The following TRPM3 variants were observed in gnomAD, a reference collection of about 807,000 sequenced individuals.
TRPM3 encodes transient receptor potential cation channel subfamily M member 3, also known as long transient receptor potential channel 3.
A neutral mutation model predicts 181.2 loss-of-function variants in TRPM3; 77 were observed. That is an observed-to-expected ratio of 0.42 (90% CI 0.35 to 0.51). TRPM3 has a LOEUF of 0.51. TRPM3 is among the 20% of genes least tolerant of loss of function. The pLI is 0.01. For missense variants in TRPM3, 1,759 were observed against 2,196.7 expected, an observed-to-expected ratio of 0.80 and a Z score of 3.98; for synonymous variants, 745 against 796.4, an observed-to-expected ratio of 0.94 and a Z score of 1.09.
At chr9:70,814,639 G>T (rs995411747) in intron 6 of TRPM3, among the ~76,000 whole-genome samples, 5 of 152,062 alleles carry the variant, frequency 3.3e-5, no homozygotes, top group African/African-American at 1.2e-4. Flanking sequence ...TCCTTAACCA[G>T]CCTCTCTTAT....
At chr9:71,389,246 G>A (rs1565524465) in intron 1 of TRPM3, among the ~76,000 whole-genome samples, 1 of 151,726 alleles carries the variant, frequency 6.6e-6, no homozygotes, top group East Asian at 1.9e-4. Context: ...TATCACTAAT[G>A]ATCAGGGAAA....
chr9:70,884,734 G>C (rs981347807), intron 1 of TRPM3, among the ~76,000 whole-genome samples: 1 of 152,090 alleles, frequency 6.6e-6, no homozygotes, highest in Admixed American at 6.5e-5. Context: ...TAATTTAAGT[G>C]ATTAAATATA....
At chr9:71,023,845 A>T (rs940953638) in intron 1 of TRPM3, among the ~76,000 whole-genome samples, 1 of 152,212 alleles carries the variant, frequency 6.6e-6, no homozygotes, top group Non-Finnish European at 1.5e-5. Flanking sequence ...AAGATGCAGG[A>T]GGGAGAGAAG....
intron 9 of TRPM3, among the ~76,000 whole-genome samples, chr9:70,678,263 C>CT (rs2064521095): frequency 6.6e-6 from 1 of 152,060 alleles, no homozygotes; most frequent in East Asian, 1.9e-4. Context: ...CTTTCTTCTT[C>CT]TTTTTCTTTC....
chr9:71,278,460 A>T (rs1376802053), intron 1 of TRPM3, among the ~76,000 whole-genome samples: 1 of 152,250 alleles, frequency 6.6e-6, no homozygotes, highest in Admixed American at 6.5e-5. Flanking sequence ...CAAATCAGAT[A>T]AAACTGAACC....
At chr9:70,961,192 T>C (rs927913376) in intron 1 of TRPM3, among the ~76,000 whole-genome samples, 2 of 152,068 alleles carry the variant, frequency 1.3e-5, no homozygotes, top group Non-Finnish European at 2.9e-5. Context: ...GCAATGTGCT[T>C]TGAAGATGGA....
intron 1 of TRPM3, among the ~76,000 whole-genome samples, chr9:71,308,372 G>A (rs900678583): frequency 2.0e-5 from 3 of 152,076 alleles, no homozygotes; most frequent in Admixed American, 6.6e-5. Context: ...ATGAATTCAG[G>A]AAAATTGAGG....
At chr9:70,608,481 T>TAACA (rs749135519) in intron 19 of TRPM3, among the ~76,000 whole-genome samples, 29 of 152,268 alleles carry the variant, frequency 1.9e-4, no homozygotes, top group African/African-American at 3.6e-4. Context: ...TGTTCTAAGC[T>TAACA]AACAGTTGGG....
chr9:71,274,326 G>GT (rs1250553845), intron 1 of TRPM3, among the ~76,000 whole-genome samples: 1 of 152,160 alleles, frequency 6.6e-6, no homozygotes, highest in African/African-American at 2.4e-5. Context: ...GAACTTAGTG[G>GT]TTTTACTGGG....
At chr9:71,311,077 A>C (rs1411064027) in intron 1 of TRPM3, among the ~76,000 whole-genome samples, 2 of 152,120 alleles carry the variant, frequency 1.3e-5, no homozygotes, top group African/African-American at 2.4e-5. Flanking sequence ...CATCTCTTCT[A>C]CCTTATATAC....
chr9:70,841,662 C>G (rs1350581622), intron 5 of TRPM3, among the ~76,000 whole-genome samples: 1 of 63,034 alleles, frequency 1.6e-5, no homozygotes, highest in Non-Finnish European at 3.1e-5. Context: ...ATATATATAT[C>G]CCACCATATA....
chr9:71,264,254 G>A (rs1204383181), intron 1 of TRPM3, among the ~76,000 whole-genome samples: 3 of 152,104 alleles, frequency 2.0e-5, no homozygotes, highest in East Asian at 3.9e-4. Flanking sequence ...GAAGAAAAAC[G>A]CATTGTGGAA....
At chr9:71,331,234 A>G (rs1002133990) in intron 1 of TRPM3, among the ~76,000 whole-genome samples, 2 of 151,958 alleles carry the variant, frequency 1.3e-5, no homozygotes, top group African/African-American at 4.8e-5. Context: ...CAAGTATTAC[A>G]TAACAGAAAC....
intron 1 of TRPM3, among the ~76,000 whole-genome samples, chr9:71,395,801 T>G (rs190067048): frequency 2.0e-5 from 3 of 152,264 alleles, no homozygotes; most frequent in African/African-American, 4.8e-5. Context: ...TTAATACCCT[T>G]TAATCAGTGA....
intron 9 of TRPM3, among the ~76,000 whole-genome samples, chr9:70,671,463 A>G (rs968273399): frequency 2.6e-5 from 4 of 152,194 alleles, no homozygotes; most frequent in African/African-American, 9.7e-5. Context: ...TAAAAATGTA[A>G]TCTCTTCACA....
intron 1 of TRPM3, among the ~76,000 whole-genome samples, chr9:70,972,214 C>T (rs6560170): frequency 0.29 from 44,346 of 151,960 alleles, 6,510 homozygotes; most frequent in East Asian, 0.37. Context: ...TACAATACAA[C>T]GAAATATTAT....
chr9:70,907,585 G>T (rs938674487), intron 1 of TRPM3, among the ~76,000 whole-genome samples: 4 of 152,096 alleles, frequency 2.6e-5, no homozygotes, highest in Non-Finnish European at 5.9e-5. Context: ...AAGGGTATAG[G>T]TACGGTTTTA....
chr9:71,101,851 AT>A (rs773638810), intron 1 of TRPM3, among the ~76,000 whole-genome samples: 13 of 152,152 alleles, frequency 8.5e-5, no homozygotes, highest in Non-Finnish European at 1.9e-4. Flanking sequence ...AGAAAGCTAC[AT>A]TTAAGCATCC....
intron 1 of TRPM3, among the ~76,000 whole-genome samples, chr9:70,899,002 T>C (rs1377083303): frequency 2.0e-5 from 3 of 152,110 alleles, no homozygotes; most frequent in Non-Finnish European, 2.9e-5. Flanking sequence ...AATCATACAC[T>C]ATCCATAGGA....
Sources: allele counts gnomAD v4.1 joint callset (sites outside exome capture counted in the v4.1 genomes callset), GRCh38; gene constraint gnomAD v4.1.1; transcripts MANE v1.5; gene names NCBI Gene and HGNC (gene_info 2026-07-23, HGNC 2026-07-21).